Variants in GALNT13 observed in about 807,000 individuals in gnomAD.
GALNT13 encodes polypeptide N-acetylgalactosaminyltransferase 13.
GALNT13 carries 28 observed loss-of-function variants against 64.2 expected under a neutral mutation model. The ratio of observed to expected loss-of-function variants is 0.44; its 90% CI spans 0.32 to 0.60. The LOEUF is 0.60. GALNT13 is among the 20% of genes least tolerant of loss of function. The pLI, the probability that GALNT13 is intolerant of heterozygous loss-of-function variation, is 0.05. For missense variants in GALNT13, 577 were observed against 669.8 expected (o/e 0.86, Z 1.53); for synonymous variants, 214 against 224.6 (o/e 0.95, Z 0.42).
At chr2:154,122,299 T>C (rs1681994084) in intron 3 of GALNT13, among the ~76,000 whole-genome samples, 1 of 152,014 alleles carries the variant, frequency 6.6e-6, no homozygotes, top group Admixed American at 6.5e-5. Flanking sequence ...GCTTCAATTT[T>C]TATTCAAATT....
At chr2:153,329,070 A>T in the GALNT13 span, among the ~76,000 whole-genome samples, 1 of 151,274 alleles carries the variant, frequency 6.6e-6, no homozygotes, top group Non-Finnish European at 1.5e-5. Context: ...GAGTTCCCAG[A>T]CCTCTTGTGC....
chr2:154,207,680 G>A (rs1687538947), intron 4 of GALNT13, among the ~76,000 whole-genome samples: 1 of 151,940 alleles, frequency 6.6e-6, no homozygotes, highest in Non-Finnish European at 1.5e-5. Context: ...TAGGATCCCA[G>A]GAAAAAGGGA....
the GALNT13 span, among the ~76,000 whole-genome samples, chr2:153,766,984 T>C: frequency 6.6e-6 from 1 of 152,164 alleles, no homozygotes; most frequent in Non-Finnish European, 1.5e-5. Flanking sequence ...GGGATACATG[T>C]GCATACTTTT....
At chr2:153,274,474 T>C in the GALNT13 span, among the ~76,000 whole-genome samples, 1 of 152,160 alleles carries the variant, frequency 6.6e-6, no homozygotes, top group African/African-American at 2.4e-5. Flanking sequence ...GAGATACTTG[T>C]AGGAGATACT....
the GALNT13 span, among the ~76,000 whole-genome samples, chr2:153,339,813 G>A: frequency 2.0e-5 from 3 of 151,888 alleles, no homozygotes; most frequent in East Asian, 5.8e-4. Context: ...TTTATTTTTT[G>A]CACGTAAATA....
At chr2:153,465,911 C>A in the GALNT13 span, among the ~76,000 whole-genome samples, 1 of 151,982 alleles carries the variant, frequency 6.6e-6, no homozygotes. Flanking sequence ...TCAGTAACGG[C>A]CAAAATCTCC....
chr2:153,522,984 T>C, the GALNT13 span, among the ~76,000 whole-genome samples: 1 of 151,928 alleles, frequency 6.6e-6, no homozygotes, highest in African/African-American at 2.4e-5. Flanking sequence ...TGTTTTACAT[T>C]TAGGTCTATG....
At chr2:153,837,229 G>A in the GALNT13 span, among the ~76,000 whole-genome samples, 4 of 152,202 alleles carry the variant, frequency 2.6e-5, no homozygotes, top group South Asian at 8.3e-4. Flanking sequence ...ACCTCATTGT[G>A]GTTTTGATTT....
In GALNT13 at chr2:153,941,994, C is replaced by T. The variant is rs575669627; in HGVS notation, c.-104-2400C>T. 2.5e-4 allele frequency among the ~76,000 whole-genome samples: 38 copies of T among 152,148 alleles called. 1 individual carries two copies. Among genetic ancestry groups the T allele is most frequent in the African/African-American group, 7.5e-4 (31 of 41,514 alleles). ...ATAATATGTAATTTTGACTTTTTATCATAAATAAAGTTTAAGTTAAATTCT... is the reference window on the plus strand; with the variant it reads ...ATAATATGTAATTTTGACTTTTTATTATAAATAAAGTTTAAGTTAAATTCT... On this transcript the variant is annotated intron_variant, in intron 2 of 12. Coordinates refer to ENST00000392825, the MANE Select transcript of GALNT13 (RefSeq NM_052917.4).
chr2:153,963,533 C>T (rs1251560667), intron 3 of GALNT13, among the ~76,000 whole-genome samples: 2 of 152,098 alleles, frequency 1.3e-5, no homozygotes, highest in Non-Finnish European at 2.9e-5. Flanking sequence ...ATTTTCTATT[C>T]CCATCAGCAA....
rs192193804 is a variant in GALNT13, at chr2:154,158,323, A to G, written c.311+17818A>G. Among the ~76,000 whole-genome samples, 20 of 152,226 alleles carry G rather than the reference A, an allele frequency of 1.3e-4. No individual in the cohort carries two copies. In the East Asian group the frequency reaches 3.3e-3, roughly 25 times the overall value. ...CCAAACCAGGAAGTCTCATTGCACCATCTCTTTCTCTTACTATCAACATCT... is the reference window on the plus strand; with the variant it reads ...CCAAACCAGGAAGTCTCATTGCACCGTCTCTTTCTCTTACTATCAACATCT... On this transcript the variant is annotated intron_variant, in intron 4 of 12. Transcript: ENST00000392825.
chr2:154,294,617 G>C (rs1044869762), intron 8 of GALNT13, among the ~76,000 whole-genome samples: 2 of 152,162 alleles, frequency 1.3e-5, no homozygotes, highest in African/African-American at 4.8e-5. Context: ...TGTCAAATGA[G>C]AGCCTTCAGA....
intron 3 of GALNT13, among the ~76,000 whole-genome samples, chr2:154,013,080 T>C (rs1418031464): frequency 2.7e-5 from 4 of 149,124 alleles, no homozygotes; most frequent in Non-Finnish European, 5.9e-5. Context: ...TGCAGAACCA[T>C]TGCTGGGGAT....
intron 9 of GALNT13, among the ~76,000 whole-genome samples, chr2:154,335,176 C>G (rs1385717656): frequency 6.6e-6 from 1 of 151,794 alleles, no homozygotes; most frequent in East Asian, 2.0e-4. Context: ...TTATTTACTT[C>G]TATGTGGTAG....
the GALNT13 span, among the ~76,000 whole-genome samples, chr2:153,360,373 C>T: frequency 6.6e-6 from 1 of 152,324 alleles, no homozygotes; most frequent in South Asian, 2.1e-4. Context: ...AGCCACTCAG[C>T]TGGAATCTGC....
At chr2:154,407,484 C>A (rs1411131040) in intron 10 of GALNT13, among the ~76,000 whole-genome samples, 1 of 152,118 alleles carries the variant, frequency 6.6e-6, no homozygotes, top group Admixed American at 6.6e-5. Context: ...TTGTTACCTT[C>A]CTTAATCCTC....
the GALNT13 span, among the ~76,000 whole-genome samples, chr2:153,641,896 C>G: frequency 6.6e-6 from 1 of 151,874 alleles, no homozygotes; most frequent in South Asian, 2.1e-4. Context: ...TCAGTATATT[C>G]TATCTCATTC....
chr2:153,679,907 C>A, the GALNT13 span, among the ~76,000 whole-genome samples: 1 of 151,824 alleles, frequency 6.6e-6, no homozygotes, highest in Non-Finnish European at 1.5e-5. Flanking sequence ...CTTAAACTTT[C>A]CTTGGTACTA....
At chr2:153,955,385 C>A (rs1203894655) in intron 3 of GALNT13, among the ~76,000 whole-genome samples, 1 of 152,030 alleles carries the variant, frequency 6.6e-6, no homozygotes, top group Admixed American at 6.6e-5. Context: ...GTTTTATGGA[C>A]ATGTGAAAAT....
Sources: allele counts gnomAD v4.1 joint callset (sites outside exome capture counted in the v4.1 genomes callset), GRCh38; gene constraint gnomAD v4.1.1; transcripts MANE v1.5; gene names NCBI Gene and HGNC (gene_info 2026-07-23, HGNC 2026-07-21).